Variants in RNF145 observed in about 807,000 individuals in gnomAD.
The protein encoded by RNF145 is ring finger protein 145.
In RNF145, 12 loss-of-function variants were observed where a neutral mutation model predicts 57.3. The ratio of observed to expected loss-of-function variants is 0.21; its 90% CI spans 0.13 to 0.34. The LOEUF is 0.34. Ranked by LOEUF, RNF145 falls within the 10% of genes least tolerant of loss-of-function variation. RNF145 has a pLI of 1.00. For synonymous variants in RNF145, 262 were observed against 288.3 expected (o/e 0.91, Z 0.92); for missense variants, 429 against 799.0 (o/e 0.54, Z 5.58).
chr5:159,167,952 C>G lies in RNF145; in HGVS notation c.1121+921G>C, dbSNP rs7705300. On this transcript the variant is annotated intron_variant, in intron 8 of 10. Transcript: ENST00000424310. Reference sequence around the variant, plus strand: ...TACCTCCCAAGAGATTAGCTGTTCCCTTACTATAAAAGGCTACCGAAGAAG... The same window carrying G: ...TACCTCCCAAGAGATTAGCTGTTCCGTTACTATAAAAGGCTACCGAAGAAG... 3.2e-3 allele frequency among the ~76,000 whole-genome samples: 483 copies of G among 152,180 alleles called. 3 individuals carry two copies. The highest frequency in any genetic ancestry group is 0.011 in the African/African-American group (459 of 41,524).
chr5:159,204,803 C>CAAAAAAAAAAA (rs1163143098), intron 1 of RNF145, among the ~76,000 whole-genome samples: 4 of 47,058 alleles, frequency 8.5e-5, no homozygotes, highest in Non-Finnish European at 1.4e-4. Flanking sequence ...GACTCCGTCT[C>CAAAAAAAAAAA]AAAAAAAAAA....
chr5:159,195,026 C>A (rs1161146749), intron 2 of RNF145, among the ~76,000 whole-genome samples: 2 of 152,146 alleles, frequency 1.3e-5, no homozygotes, highest in East Asian at 3.8e-4. Flanking sequence ...TTTTTCACTT[C>A]TTTTGTAGAT....
intron 5 of RNF145, among the ~76,000 whole-genome samples, chr5:159,175,551 T>C (rs1784694637): frequency 6.6e-6 from 1 of 152,000 alleles, no homozygotes; most frequent in Non-Finnish European, 1.5e-5. Context: ...AAAGAAAAAA[T>C]ATGTATCTTA....
intron 1 of RNF145, 24 bp downstream of exon 1, chr5:159,209,207 G>T: frequency 1.0e-6 from 1 of 974,068 alleles, no homozygotes; most frequent in African/African-American, 1.8e-5. Flanking sequence ...GGATGGGAAG[G>T]GGCCGGGCGG....
At chr5:159,175,323 C>T (rs115561952) in intron 5 of RNF145, among the ~76,000 whole-genome samples, 2,119 of 152,084 alleles carry the variant, frequency 0.014, 21 homozygotes, top group Middle Eastern at 0.024. Flanking sequence ...TGTCTGTTTC[C>T]ATTTCTTGCT....
chr5:159,200,770 T>A (rs1379677632), intron 2 of RNF145, among the ~76,000 whole-genome samples: 1 of 152,128 alleles, frequency 6.6e-6, no homozygotes, highest in Non-Finnish European at 1.5e-5. Context: ...TCCCACAAAT[T>A]GGTAAAAAAA....
chr5:159,202,851 T>C (rs1451586641), intron 2 of RNF145, among the ~76,000 whole-genome samples: 1 of 152,146 alleles, frequency 6.6e-6, no homozygotes, highest in African/African-American at 2.4e-5. Context: ...CAATCTCTTA[T>C]CATTATTTTT....
At chr5:159,208,338 C>T (rs1489617134) in intron 1 of RNF145, among the ~76,000 whole-genome samples, 1 of 152,196 alleles carries the variant, frequency 6.6e-6, no homozygotes, top group Non-Finnish European at 1.5e-5. Flanking sequence ...TCGCGCCACG[C>T]CACGTACCAA....
chr5:159,186,979 T>C (rs1252835942), intron 3 of RNF145, among the ~76,000 whole-genome samples: 1 of 129,132 alleles, frequency 7.7e-6, no homozygotes, highest in Non-Finnish European at 1.6e-5. Context: ...CAAGACTCCG[T>C]CTCAAAACAA....
At chr5:159,209,629 C>T, upstream of RNF145, 2 of 1,062,674 alleles carry the variant, frequency 1.9e-6, no homozygotes, top group Middle Eastern at 3.7e-4. Flanking sequence ...CCCGCGCGCG[C>T]CCGCGCTCAC....
Position 159,157,450 on chromosome 5 carries a change from TGTCA to T in RNF145, c.*1216_*1219del, listed in dbSNP as rs1195625552. On this transcript the variant is annotated 3_prime_UTR_variant, in exon 11 of 11. Coordinates refer to ENST00000424310, the MANE Select transcript of RNF145 (RefSeq NM_001199383.2). ...ATTTATTAAGACATTCAGCTATGTC[TGTCA>T]GTCTACATCCAAATTTGCTACTAAA... The T allele has an allele frequency of 1.3e-5, 2 of 152,790 alleles. No individual in the cohort carries two copies. The highest frequency in any genetic ancestry group is 4.8e-5 in the African/African-American group (2 of 41,468). 9.5% of individuals were successfully genotyped at this position (152,790 alleles called of 1,614,324 possible).
intron 1 of RNF145, among the ~76,000 whole-genome samples, chr5:159,204,673 G>A (rs981690497): frequency 3.3e-5 from 5 of 151,870 alleles, no homozygotes; most frequent in African/African-American, 1.2e-4. Flanking sequence ...GCATGGTGGT[G>A]CACACCTGTA....
chr5:159,159,059 CCTT>C, intron 10 of RNF145, 24 bp from the exon 11 acceptor site: 2 of 1,586,124 alleles, frequency 1.3e-6, no homozygotes, highest in Non-Finnish European at 1.7e-6. Flanking sequence ...AAAAAAGATA[CCTT>C]ATAAATGTCT....
intron 6 of RNF145, among the ~76,000 whole-genome samples, chr5:159,170,514 A>G (rs1420778970): frequency 6.6e-6 from 1 of 152,164 alleles, no homozygotes; most frequent in Non-Finnish European, 1.5e-5. Context: ...AACTTCTTAG[A>G]TATTAACTTA....
chr5:159,188,054 T>C (rs757593082), intron 3 of RNF145, among the ~76,000 whole-genome samples: 2 of 152,096 alleles, frequency 1.3e-5, no homozygotes, highest in Non-Finnish European at 2.9e-5. Context: ...AAATCCAATA[T>C]GTTGGTTCAT....
intron 3 of RNF145, among the ~76,000 whole-genome samples, chr5:159,185,938 G>A (rs970579435): frequency 8.5e-5 from 13 of 152,130 alleles, no homozygotes; most frequent in Admixed American, 8.5e-4. Flanking sequence ...TCTATGAAAA[G>A]GGCCTCCGGC....
chr5:159,160,406 T>C (rs567590696), intron 10 of RNF145, among the ~76,000 whole-genome samples: 25 of 152,292 alleles, frequency 1.6e-4, no homozygotes, highest in Admixed American at 7.8e-4. Context: ...TATACACAAA[T>C]ACATACATAC....
In RNF145 at chr5:159,163,088, A is replaced by T. The variant is rs777947919; in HGVS notation, c.1122-9T>A. 1 of 1,585,814 alleles carries T rather than the reference A, an allele frequency of 6.3e-7. No individual in the cohort carries two copies. The highest frequency in any genetic ancestry group is 8.5e-7 in the Non-Finnish European group (1 of 1,172,162). On this transcript the variant is annotated splice_polypyrimidine_tract_variant and intron_variant, in intron 8 of 10. Coordinates refer to ENST00000424310, the MANE Select transcript of RNF145 (RefSeq NM_001199383.2). The stretch of plus-strand genomic sequence containing the variant: ...AGTGTTTCCACAAGCTCCTGGAGAA[A>T]GACAAAATTATTCTTTTTAAGTGCC...
chr5:159,176,218 T>C (rs1232639521), intron 5 of RNF145, among the ~76,000 whole-genome samples: 1 of 152,128 alleles, frequency 6.6e-6, no homozygotes, highest in Non-Finnish European at 1.5e-5. Context: ...TATTCAATTC[T>C]TTATTATTTT....
Sources: allele counts gnomAD v4.1 joint callset (sites outside exome capture counted in the v4.1 genomes callset), GRCh38; gene constraint gnomAD v4.1.1; transcripts MANE v1.5; gene names NCBI Gene and HGNC (gene_info 2026-07-23, HGNC 2026-07-21).